SP100: variants seen among roughly 807,000 people sequenced by gnomAD.
SP100 encodes SP100 nuclear body protein.
A neutral mutation model predicts 130.0 loss-of-function variants in SP100; 84 were observed. That is an observed-to-expected ratio of 0.65 (90% CI 0.54 to 0.77). The LOEUF (loss-of-function observed/expected upper bound fraction) is 0.77. SP100 is among the 30% of genes least tolerant of loss of function. The pLI is 0.00. For missense variants in SP100, 978 were observed against 1,052.2 expected (o/e 0.93, Z 0.97); for synonymous variants, 331 against 351.7 (o/e 0.94, Z 0.66).
At chr2:230,467,589 G>C (rs915488081) in intron 13 of SP100, among the ~76,000 whole-genome samples, 1 of 152,220 alleles carries the variant, frequency 6.6e-6, no homozygotes, top group Non-Finnish European at 1.5e-5. Context: ...TGGCAGACAA[G>C]AGAAGAGAGC....
At chr2:230,440,537 G>A in intron 2 of SP100, 1 of 1,376,134 alleles carries the variant, frequency 7.3e-7, no homozygotes, top group Non-Finnish European at 9.5e-7. Context: ...TATAAGCAGT[G>A]CTGGGTAAAA....
chr2:230,516,884 C>T (rs1312824978), intron 24 of SP100, among the ~76,000 whole-genome samples: 1 of 152,014 alleles, frequency 6.6e-6, no homozygotes, highest in African/African-American at 2.4e-5. Flanking sequence ...TGATAGTGTC[C>T]CATTAAAACT....
At chr2:230,449,739 G>A (rs748968145) in intron 7 of SP100, 29 bp downstream of exon 7, 6 of 1,613,158 alleles carry the variant, frequency 3.7e-6, no homozygotes, top group Admixed American at 3.3e-5. Flanking sequence ...GCATGAATGG[G>A]GAGGAGCCAA....
chr2:230,508,131 A>G (rs1168139246), intron 23 of SP100, 100 bp downstream of exon 23: 1 of 1,537,078 alleles, frequency 6.5e-7, no homozygotes, highest in Non-Finnish European at 8.8e-7. Flanking sequence ...TCATCATAAA[A>G]TTTGATTTTA....
At chr2:230,529,889 T>G (rs1472158834) in intron 24 of SP100, among the ~76,000 whole-genome samples, 1 of 152,122 alleles carries the variant, frequency 6.6e-6, no homozygotes, top group Non-Finnish European at 1.5e-5. Flanking sequence ...GAAGGACCTC[T>G]TCAAGGAGAA....
intron 17 of SP100, among the ~76,000 whole-genome samples, chr2:230,485,369 C>G (rs2066026753): frequency 6.6e-6 from 1 of 152,072 alleles, no homozygotes; most frequent in Non-Finnish European, 1.5e-5. Flanking sequence ...TGCATTTCCT[C>G]TTTGACTCAG....
At chr2:230,421,504 CATATATAT>C (rs55963279) in intron 2 of SP100, among the ~76,000 whole-genome samples, 1 of 146,284 alleles carries the variant, frequency 6.8e-6, no homozygotes, top group East Asian at 2.0e-4. Flanking sequence ...AGAAGATATA[CATATATAT>C]ATATATATAT....
intron 2 of SP100, among the ~76,000 whole-genome samples, chr2:230,420,448 T>C (rs1225485133): frequency 1.3e-5 from 2 of 152,160 alleles, no homozygotes; most frequent in African/African-American, 4.8e-5. Context: ...ATAGTAACAG[T>C]AAAAATGAAC....
Position 230,443,848 on chromosome 2 carries a change from C to T in SP100, c.271-330C>T, listed in dbSNP as rs529122291. Among the ~76,000 whole-genome samples the T allele has an allele frequency of 2.0e-5, 3 of 152,288 alleles. No individual in the cohort carries two copies. The South Asian group carries it at 6.2e-4, about 32-fold the overall frequency. On this transcript the variant is annotated intron_variant, in intron 3 of 28. Coordinates refer to ENST00000340126, the MANE Select transcript of SP100 (RefSeq NM_001080391.2). Reference sequence around the variant, plus strand: ...AGGGGTTGTCCAGCCAACAAAACAGCCACTCATCAATTGCCTGCTACGTCT... The same window carrying T: ...AGGGGTTGTCCAGCCAACAAAACAGTCACTCATCAATTGCCTGCTACGTCT...
intron 2 of SP100, among the ~76,000 whole-genome samples, chr2:230,439,229 A>C: frequency 6.6e-6 from 1 of 151,802 alleles, no homozygotes; most frequent in South Asian, 2.1e-4. Flanking sequence ...GATTTGTTTG[A>C]GTTATTTATA....
chr2:230,531,515 T>C (rs1559537560), intron 24 of SP100, among the ~76,000 whole-genome samples: 2 of 152,004 alleles, frequency 1.3e-5, no homozygotes, highest in Non-Finnish European at 2.9e-5. Context: ...GTTGTGCACA[T>C]GTACCCTAGA....
intron 2 of SP100, 46 bp from the exon 3 acceptor site, chr2:230,442,891 C>G: frequency 3.2e-6 from 5 of 1,553,384 alleles, no homozygotes; most frequent in Non-Finnish European, 3.5e-6. Context: ...CCACAAACAT[C>G]TCAGAATCTT....
rs114349856 is a variant in SP100, at chr2:230,456,088, G to T, written c.821-5174G>T. On this transcript the variant is annotated intron_variant, in intron 8 of 28. Coordinates refer to ENST00000340126, the MANE Select transcript of SP100 (RefSeq NM_001080391.2). ...AGCTTGAGCATTTCTTGTAAGACAG[G>T]TCTGGTGGTAATGAATGTATTCATC... Among the ~76,000 whole-genome samples, 837 of 152,218 alleles carry T rather than the reference G, an allele frequency of 5.5e-3. 7 individuals are homozygous for T. Among genetic ancestry groups the T allele is most frequent in the Non-Finnish European group, 9.6e-3 (654 of 68,006 alleles).
chr2:230,442,309 A>G (rs1050038025), intron 2 of SP100, among the ~76,000 whole-genome samples: 1 of 152,196 alleles, frequency 6.6e-6, no homozygotes, highest in Non-Finnish European at 1.5e-5. Context: ...ATGATTCACC[A>G]TATATAGCAA....
intron 18 of SP100, among the ~76,000 whole-genome samples, chr2:230,496,100 C>A (rs1414393682): frequency 6.6e-6 from 1 of 152,100 alleles, no homozygotes; most frequent in East Asian, 1.9e-4. Context: ...TTACCCAGGT[C>A]TAAGATGTTT....
At chr2:230,539,914 C>T (rs1251652934) in intron 25 of SP100, among the ~76,000 whole-genome samples, 5 of 152,110 alleles carry the variant, frequency 3.3e-5, no homozygotes, top group Admixed American at 2.0e-4. Flanking sequence ...TGATAAGGTG[C>T]TCTGTGAGTG....
At chr2:230,463,839 G>T in intron 10 of SP100, 1 of 336,000 alleles carries the variant, frequency 3.0e-6, no homozygotes. Context: ...AAGAAGCGTG[G>T]GAAAGCAAAG....
intron 25 of SP100, among the ~76,000 whole-genome samples, chr2:230,540,364 A>G (rs1022336273): frequency 1.3e-5 from 2 of 152,168 alleles, no homozygotes; most frequent in Non-Finnish European, 2.9e-5. Context: ...ACCTCTCTGG[A>G]GATTTCCTTT....
rs559580941 is a variant in SP100, at chr2:230,524,904, A to T, written c.2094+13738A>T. ...TCTGTATATAAAATGTGCCAAGAAG[A>T]TGTGTTTTTATTGAGAAAAAGAATA... On this transcript the variant is annotated intron_variant, in intron 24 of 28. Coordinates refer to ENST00000340126, the MANE Select transcript of SP100 (RefSeq NM_001080391.2). 1.8e-3 allele frequency among the ~76,000 whole-genome samples: 281 copies of T among 152,174 alleles called. 1 individual carries two copies. Among genetic ancestry groups the T allele is most frequent in the Non-Finnish European group, 3.0e-3 (206 of 68,010 alleles).
Sources: allele counts gnomAD v4.1 joint callset (sites outside exome capture counted in the v4.1 genomes callset), GRCh38; gene constraint gnomAD v4.1.1; transcripts MANE v1.5; gene names NCBI Gene and HGNC (gene_info 2026-07-23, HGNC 2026-07-21).